The following STAG1 variants were observed in gnomAD, a reference collection of about 807,000 sequenced individuals.
STAG1 encodes cohesin subunit SA-1.
STAG1 carries 26 observed loss-of-function variants against 170.9 expected under a neutral mutation model. That is an observed-to-expected ratio of 0.15 (90% CI 0.11 to 0.21). The LOEUF is 0.21. STAG1 is among the 10% of genes least tolerant of loss of function. The probability of loss-of-function intolerance (pLI) is 1.00; values close to 1 mark genes in which losing one functional copy is unlikely to be tolerated. For missense variants in STAG1, 964 were observed against 1,509.5 expected (o/e 0.64, Z 5.99); for synonymous variants, 514 against 497.7 (o/e 1.03, Z -0.44).
At chr3:136,487,564 T>C (rs1284241538) in intron 9 of STAG1, among the ~76,000 whole-genome samples, 2 of 152,216 alleles carry the variant, frequency 1.3e-5, no homozygotes, top group South Asian at 2.1e-4. Flanking sequence ...TCTGTAGCTA[T>C]AAAAACTCCC....
chr3:136,509,745 G>A (rs988128877), intron 7 of STAG1, among the ~76,000 whole-genome samples: 2 of 152,100 alleles, frequency 1.3e-5, no homozygotes, highest in East Asian at 3.8e-4. Flanking sequence ...TGCCTAAAAC[G>A]AAGTCGAAGG....
At chr3:136,751,438 G>A (rs1024866043) in intron 1 of STAG1, among the ~76,000 whole-genome samples, 14 of 151,830 alleles carry the variant, frequency 9.2e-5, no homozygotes, top group Admixed American at 2.6e-4. Flanking sequence ...CCTCGAGAAA[G>A]GAGGGAAAAC....
At chr3:136,491,225 T>A (rs558093715) in intron 9 of STAG1, among the ~76,000 whole-genome samples, 1 of 152,192 alleles carries the variant, frequency 6.6e-6, no homozygotes, top group African/African-American at 2.4e-5. Context: ...TCAAGCAGTC[T>A]TACCATCTCA....
rs531709111 is a variant in STAG1, at chr3:136,523,705, T to C, written c.472-2288A>G. ...CCTGAGTGGTATTGCCTAGGTTTTC[T>C]TCTAGAGTTTTTATGGTTTTAGGTC... On this transcript the variant is annotated intron_variant, in intron 6 of 33. Coordinates refer to ENST00000383202, the MANE Select transcript of STAG1 (RefSeq NM_005862.3). Among the ~76,000 whole-genome samples the C allele has an allele frequency of 3.7e-4, 56 of 152,364 alleles. 1 individual carries two copies. The South Asian group carries it at 0.012, about 32-fold the overall frequency.
At chr3:136,511,400 T>C (rs1934056684) in intron 7 of STAG1, among the ~76,000 whole-genome samples, 1 of 152,186 alleles carries the variant, frequency 6.6e-6, no homozygotes, top group Admixed American at 6.5e-5. Context: ...TCAACCTTAA[T>C]GCCCAGCAAT....
intron 1 of STAG1, among the ~76,000 whole-genome samples, chr3:136,648,886 T>A (rs1178954444): frequency 6.6e-6 from 1 of 152,250 alleles, no homozygotes; most frequent in Non-Finnish European, 1.5e-5. Context: ...AGAGCCAGAC[T>A]GATTTATTTA....
intron 21 of STAG1, chr3:136,417,563 T>C (rs2087810304): frequency 4.1e-6 from 1 of 243,774 alleles, no homozygotes; most frequent in Non-Finnish European, 8.0e-6. Flanking sequence ...GGCTGGAATA[T>C]ACCCATCATC....
chr3:136,563,066 T>C (rs1002251140), intron 5 of STAG1, among the ~76,000 whole-genome samples: 76 of 152,348 alleles, frequency 5.0e-4, no homozygotes, highest in Non-Finnish European at 3.4e-4. Flanking sequence ...AGAAAGCACA[T>C]GATAGCAATT....
At chr3:136,464,761 A>G in intron 13 of STAG1, 120 bp downstream of exon 13, 1 of 725,092 alleles carries the variant, frequency 1.4e-6, no homozygotes, top group Non-Finnish European at 2.3e-6. Flanking sequence ...TAGCCCCTGG[A>G]GTATCAGATG....
intron 1 of STAG1, among the ~76,000 whole-genome samples, chr3:136,682,803 A>G (rs2107888711): frequency 2.0e-5 from 3 of 152,344 alleles, no homozygotes; most frequent in Admixed American, 2.0e-4. Context: ...AGGCTCTCCA[A>G]GAGATATTTA....
At position 136,473,551 on chromosome 3, in the gene STAG1, A is replaced by G. The variant is rs1397453782; in HGVS notation, c.1113T>C (p.Thr371=). 5.0e-6 allele frequency: 8 copies of G among 1,608,286 alleles called. No homozygotes were observed. Among genetic ancestry groups the G allele is most frequent in the Non-Finnish European group, 6.0e-6 (7 of 1,175,856 alleles). ...RELFPKLELF[T]NRFKDRIVSM... ...TCTTGATGCTTACCTTGAATCGGTT[A>G]GTGAATAGTTCCAATTTGGGGAATA... The change falls in exon 11 of 34, where the codon ACT becomes ACC. Residue 371 remains threonine (T), a synonymous_variant. Coordinates refer to ENST00000383202, the MANE Select transcript of STAG1 (RefSeq NM_005862.3).
chr3:136,653,352 A>G (rs1318729307), intron 1 of STAG1, among the ~76,000 whole-genome samples: 1 of 152,176 alleles, frequency 6.6e-6, no homozygotes, highest in Non-Finnish European at 1.5e-5. Context: ...AGGAAATTTG[A>G]TTGTATTAAA....
intron 3 of STAG1, among the ~76,000 whole-genome samples, chr3:136,610,681 T>C (rs901316393): frequency 1.3e-5 from 2 of 152,128 alleles, no homozygotes; most frequent in African/African-American, 4.8e-5. Context: ...ATGTTAAGAA[T>C]TGCACACAAA....
chr3:136,371,708 G>T (rs376620535), intron 23 of STAG1, among the ~76,000 whole-genome samples: 75 of 152,150 alleles, frequency 4.9e-4, no homozygotes, highest in Non-Finnish European at 3.2e-4. Context: ...CTGTTCCATT[G>T]GTCTATATCT....
At chr3:136,723,803 C>A (rs1327054309) in intron 1 of STAG1, among the ~76,000 whole-genome samples, 4 of 138,784 alleles carry the variant, frequency 2.9e-5, no homozygotes, top group Admixed American at 7.0e-5. Flanking sequence ...GCCCCCCGCC[C>A]GGCCAGCCGC....
chr3:136,406,031 C>G (rs1388872213), intron 21 of STAG1, among the ~76,000 whole-genome samples: 1 of 152,064 alleles, frequency 6.6e-6, no homozygotes, highest in Admixed American at 6.6e-5. Flanking sequence ...CAATTTTACT[C>G]TGGGGCATTT....
At chr3:136,737,362 A>G (rs909198178) in intron 1 of STAG1, 7 of 358,868 alleles carry the variant, frequency 2.0e-5, no homozygotes, top group Middle Eastern at 1.5e-3. Context: ...TCAGCCTCCC[A>G]AAGTGCTGGG....
Position 136,630,150 on chromosome 3 carries a change from G to A in STAG1, c.29+720C>T, listed in dbSNP as rs776214396. Among the ~76,000 whole-genome samples the A allele has an allele frequency of 3.3e-5, 5 of 152,020 alleles. 1 individual carries two copies. The highest frequency in any genetic ancestry group is 3.8e-4 in the East Asian group (2 of 5,200). ...GCAGAGGTAGCAGTGAGCCGAGATCGCACCACTGCATTCCAGCATGGGCAA... is the reference window on the plus strand; with the variant it reads ...GCAGAGGTAGCAGTGAGCCGAGATCACACCACTGCATTCCAGCATGGGCAA... On this transcript the variant is annotated intron_variant, in intron 2 of 33. Transcript: ENST00000383202.
At chr3:136,632,467 G>A (rs935264411) in intron 1 of STAG1, among the ~76,000 whole-genome samples, 19 of 152,220 alleles carry the variant, frequency 1.2e-4, no homozygotes, top group African/African-American at 4.6e-4. Context: ...GTACCTGTGG[G>A]AGCAATACCA....
Sources: allele counts gnomAD v4.1 joint callset (sites outside exome capture counted in the v4.1 genomes callset), GRCh38; gene constraint gnomAD v4.1.1; transcripts MANE v1.5; gene names NCBI Gene and HGNC (gene_info 2026-07-23, HGNC 2026-07-21).